The following INTS4 variants were observed in gnomAD, a reference collection of about 807,000 sequenced individuals.
The protein encoded by INTS4 is integrator complex subunit 4, also known as MSTP093.
Under a neutral mutation model 119.5 loss-of-function variants are expected in INTS4, and 70 were observed. That is an observed-to-expected ratio of 0.59 (90% confidence interval 0.48 to 0.71). INTS4 has a LOEUF of 0.71. Ranked by LOEUF, INTS4 falls within the 30% of genes least tolerant of loss-of-function variation. INTS4 has a pLI of 0.00. For synonymous variants in INTS4, 316 were observed against 419.6 expected, an observed-to-expected ratio of 0.75 and a Z score of 3.02; for missense variants, 867 against 1,173.2, an observed-to-expected ratio of 0.74 and a Z score of 3.81.
At chr11:77,934,636 G>A (rs1372104779) in intron 10 of INTS4, among the ~76,000 whole-genome samples, 1 of 152,084 alleles carries the variant, frequency 6.6e-6, no homozygotes, top group Non-Finnish European at 1.5e-5. Flanking sequence ...TAAAAGTGAT[G>A]AAATTCAGTT....
chr11:77,956,710 A>T (rs868358785), intron 7 of INTS4, among the ~76,000 whole-genome samples: 16 of 97,648 alleles, frequency 1.6e-4, no homozygotes, highest in African/African-American at 3.9e-4. Context: ...CCATCTCAAA[A>T]AATAATAATA....
Position 77,938,841 on chromosome 11 carries a change from A to G in INTS4, c.991-16T>C. 6.3e-7 allele frequency: 1 copy of G among 1,580,564 alleles called. No homozygotes were observed. The highest frequency in any genetic ancestry group is 8.6e-7 in the Non-Finnish European group (1 of 1,162,266). Reference sequence around the variant, plus strand: ...TACGTTTCCTCTGCAGAGGACAACAACAATTACCAATTGTAGGAGGTTCAT... The same window carrying G: ...TACGTTTCCTCTGCAGAGGACAACAGCAATTACCAATTGTAGGAGGTTCAT... On this transcript the variant is annotated splice_polypyrimidine_tract_variant and intron_variant, in intron 9 of 22. Transcript: ENST00000534064.
chr11:77,877,384 T>TA (rs1951628222), downstream of INTS4, among the ~76,000 whole-genome samples: 1 of 152,244 alleles, frequency 6.6e-6, no homozygotes, highest in African/African-American at 2.4e-5. Flanking sequence ...TTGCTATTAT[T>TA]TTTATAAGCT....
At chr11:77,884,638 CCAATGTTGAAACTGTGGT>C (rs1359634739) in intron 21 of INTS4, 11 of 219,036 alleles carry the variant, frequency 5.0e-5, no homozygotes, top group Middle Eastern at 4.7e-4. Flanking sequence ...CACAGGTCTT[CCAATGTTGAAACTGTGGT>C]CAATGTTGAA....
At chr11:77,984,593 C>A (rs1427000210) in intron 2 of INTS4, among the ~76,000 whole-genome samples, 1 of 151,318 alleles carries the variant, frequency 6.6e-6, no homozygotes, top group East Asian at 1.9e-4. Flanking sequence ...TTCAGTTTTA[C>A]AAGATGAAAA....
intron 8 of INTS4, among the ~76,000 whole-genome samples, chr11:77,953,670 G>C (rs989792583): frequency 4.6e-5 from 7 of 151,264 alleles, no homozygotes; most frequent in Non-Finnish European, 1.0e-4. Context: ...TGCAACCCCT[G>C]CCTCCCAGGT....
At chr11:77,935,125 C>T (rs997293241) in intron 10 of INTS4, among the ~76,000 whole-genome samples, 1 of 152,166 alleles carries the variant, frequency 6.6e-6, no homozygotes, top group African/African-American at 2.4e-5. Flanking sequence ...ATGGAAATCA[C>T]AGGGGCTTTA....
At chr11:77,930,053 C>T (rs765537002) in intron 10 of INTS4, among the ~76,000 whole-genome samples, 1 of 152,116 alleles carries the variant, frequency 6.6e-6, no homozygotes, top group Non-Finnish European at 1.5e-5. Context: ...GTCCTGAACA[C>T]GTATTATATG....
At chr11:77,988,291 G>A (rs540165094) in intron 2 of INTS4, among the ~76,000 whole-genome samples, 9 of 152,274 alleles carry the variant, frequency 5.9e-5, no homozygotes, top group African/African-American at 2.2e-4. Flanking sequence ...AATGGACACC[G>A]TCCAGTGCCC....
downstream of INTS4, chr11:77,876,959 CA>C (rs1384142244): frequency 1.4e-6 from 1 of 703,286 alleles, no homozygotes; most frequent in Non-Finnish European, 2.6e-6. Context: ...GGCTCCAACC[CA>C]GCAGCTGCCA....
At chr11:77,978,833 T>C (rs151016764) in intron 4 of INTS4, 163 bp downstream of exon 4, 5,654 of 479,716 alleles carry the variant, frequency 0.012, 269 homozygotes, top group Admixed American at 0.11. Context: ...TCATTTGTTT[T>C]GAAAGGATGA....
At chr11:77,920,200 T>TAC (rs1953310357) in intron 14 of INTS4, among the ~76,000 whole-genome samples, 1 of 147,554 alleles carries the variant, frequency 6.8e-6, no homozygotes, top group Admixed American at 6.8e-5. Context: ...TATATACATA[T>TAC]ATATACACAC....
At chr11:77,952,939 G>T (rs1954230548) in intron 8 of INTS4, among the ~76,000 whole-genome samples, 1 of 152,098 alleles carries the variant, frequency 6.6e-6, no homozygotes, top group South Asian at 2.1e-4. Flanking sequence ...AATGCCGAAT[G>T]AAAGGATCTG....
At chr11:77,948,357 T>C (rs1209797839) in intron 8 of INTS4, among the ~76,000 whole-genome samples, 1 of 152,146 alleles carries the variant, frequency 6.6e-6, no homozygotes, top group East Asian at 1.9e-4. Context: ...AATAACAATC[T>C]TGAATATAGC....
chr11:77,933,083 T>C (rs1177240142), intron 10 of INTS4, among the ~76,000 whole-genome samples: 1 of 152,096 alleles, frequency 6.6e-6, no homozygotes, highest in Non-Finnish European at 1.5e-5. Flanking sequence ...GTTCTGCACA[T>C]GTACCCCAGA....
chr11:77,899,983 A>G (rs995590020), intron 18 of INTS4, among the ~76,000 whole-genome samples: 8 of 152,298 alleles, frequency 5.3e-5, no homozygotes, highest in Non-Finnish European at 1.0e-4. Context: ...TTATATATAA[A>G]CTAAAAAAAA....
intron 4 of INTS4, among the ~76,000 whole-genome samples, chr11:77,972,174 T>C (rs1428679170): frequency 1.3e-5 from 2 of 152,182 alleles, no homozygotes; most frequent in African/African-American, 2.4e-5. Context: ...CTCGGCTCAC[T>C]GGCAGCCTCA....
downstream of INTS4, among the ~76,000 whole-genome samples, chr11:77,875,855 G>T (rs1466080812): frequency 6.6e-6 from 1 of 152,134 alleles, no homozygotes. Context: ...AAGGCCTAGA[G>T]GTGACAGAAA....
At chr11:77,875,566 T>C (rs1381999751), downstream of INTS4, among the ~76,000 whole-genome samples, 1 of 152,236 alleles carries the variant, frequency 6.6e-6, no homozygotes, top group Non-Finnish European at 1.5e-5. Flanking sequence ...TGCTCTCTGA[T>C]TCTTCCAATT....
Sources: gnomAD v4.1 joint callset for allele counts (sites outside exome capture counted in the v4.1 genomes callset) on GRCh38, gnomAD v4.1.1 for gene constraint, MANE v1.5 for transcripts, NCBI Gene and HGNC (gene_info 2026-07-23, HGNC 2026-07-21) for gene names.